CLIP2: variants seen among roughly 807,000 people sequenced by gnomAD.
The protein encoded by CLIP2 is CAP-Gly domain containing linker protein 2, also known as CAP-Gly domain-containing linker protein 2.
A neutral mutation model predicts 111.7 loss-of-function variants in CLIP2; 41 were observed. That is an observed-to-expected ratio of 0.37 (90% CI 0.29 to 0.48). The LOEUF (loss-of-function observed/expected upper bound fraction) is 0.48. CLIP2 is among the 20% of genes least tolerant of loss of function. The pLI, the probability that CLIP2 is intolerant of heterozygous loss-of-function variation, is 0.99. For missense variants in CLIP2, 1,160 were observed against 1,422.1 expected (o/e 0.82, Z 2.96); for synonymous variants, 660 against 644.2 (o/e 1.02, Z -0.37).
intron 13 of CLIP2, among the ~76,000 whole-genome samples, chr7:74,390,837 C>T (rs1481029791): frequency 8.6e-5 from 13 of 151,696 alleles, no homozygotes; most frequent in Non-Finnish European, 1.9e-4. Flanking sequence ...CACCTGAGGT[C>T]GTGAGTTCAA....
At chr7:74,394,039 C>G (rs1233209561) in intron 13 of CLIP2, among the ~76,000 whole-genome samples, 2 of 152,070 alleles carry the variant, frequency 1.3e-5, no homozygotes, top group Non-Finnish European at 2.9e-5. Flanking sequence ...TGCCCCTCCG[C>G]TGAGTCTCGA....
At chr7:74,387,521 G>A (rs1286567870) in intron 12 of CLIP2, among the ~76,000 whole-genome samples, 1 of 152,174 alleles carries the variant, frequency 6.6e-6, no homozygotes, top group African/African-American at 2.4e-5. Flanking sequence ...AAAGTGCTGT[G>A]ATTACAGGTG....
At chr7:74,381,543 A>C (rs967331615) in intron 11 of CLIP2, 2 of 452,794 alleles carry the variant, frequency 4.4e-6, no homozygotes. Flanking sequence ...CATATGGCAA[A>C]CTAACTCTTC....
chr7:74,390,814 G>A (rs961250313), intron 13 of CLIP2, among the ~76,000 whole-genome samples: 16 of 152,002 alleles, frequency 1.1e-4, no homozygotes, highest in African/African-American at 3.6e-4. Flanking sequence ...TTGGGAGGTC[G>A]AGGTGGGCAG....
chr7:74,350,090 G>A (rs1368289233), intron 3 of CLIP2, among the ~76,000 whole-genome samples: 1 of 152,084 alleles, frequency 6.6e-6, no homozygotes, highest in Non-Finnish European at 1.5e-5. Context: ...GTCTCACTCT[G>A]TCACCCAGGC....
chr7:74,370,455 CAAA>C (rs555830727), intron 8 of CLIP2, among the ~76,000 whole-genome samples: 1 of 82,168 alleles, frequency 1.2e-5, no homozygotes, highest in Non-Finnish European at 2.6e-5. Flanking sequence ...GACTCCGTCT[CAAA>C]AAAAAAAAAA....
Sources: allele counts gnomAD v4.1 joint callset (sites outside exome capture counted in the v4.1 genomes callset), GRCh38; gene constraint gnomAD v4.1.1; transcripts MANE v1.5; gene names NCBI Gene and HGNC (gene_info 2026-07-23, HGNC 2026-07-21).